Variants in MROH1 observed in about 807,000 individuals in gnomAD.
MROH1 encodes the protein maestro heat like repeat family member 1.
Under a neutral mutation model 116.5 loss-of-function variants are expected in MROH1, and 117 were observed. The ratio of observed to expected loss-of-function variants is 1.00; its 90% CI spans 0.86 to 1.17. MROH1 has a LOEUF of 1.17. Ranked by LOEUF, MROH1 falls within the 50% of genes most tolerant of loss-of-function variation. MROH1 has a pLI of 0.00. For missense variants in MROH1, 1,873 were observed against 1,338.5 expected, an observed-to-expected ratio of 1.40 and a Z score of -6.23; for synonymous variants, 921 against 583.9, an observed-to-expected ratio of 1.58 and a Z score of -8.32.
chr8:144,174,535 G>C (rs1047196235), intron 4 of MROH1, among the ~76,000 whole-genome samples: 2 of 150,046 alleles, frequency 1.3e-5, no homozygotes, highest in Non-Finnish European at 3.0e-5. Flanking sequence ...CTAGGCTGGA[G>C]TGCAGCGGTG....
chr8:144,162,814 C>T (rs999675087), intron 2 of MROH1, among the ~76,000 whole-genome samples: 1 of 47,314 alleles, frequency 2.1e-5, no homozygotes, highest in African/African-American at 3.5e-5. Flanking sequence ...CCTCCGCTTC[C>T]CAGGTTCAAG....
At chr8:144,229,343 C>T (rs1838393911) in intron 14 of MROH1, among the ~76,000 whole-genome samples, 2 of 151,332 alleles carry the variant, frequency 1.3e-5, no homozygotes, top group South Asian at 4.2e-4. Flanking sequence ...TGAGAGAAAT[C>T]ACTGTCTATG....
chr8:144,168,395 G>A lies in MROH1; in HGVS notation c.123G>A (p.Val41=), dbSNP rs1365553531. 30 of 1,611,542 alleles carry A rather than the reference G, an allele frequency of 1.9e-5. No homozygotes were observed. The highest frequency in any genetic ancestry group is 2.5e-5 in the Non-Finnish European group (29 of 1,179,576). ...ALCSLGEARP[V]ETLRACEEYL... ...GCTCCCTCGGGGAGGCGCGGCCGGT[G>A]GAGACGCTCCGTGCCTGCGAGGAGT... Residue 41 remains valine, a synonymous_variant, in exon 4 of 44, where the codon GTG becomes GTA. Coordinates refer to ENST00000326134, the MANE Select transcript of MROH1 (RefSeq NM_032450.3).
intron 29 of MROH1, among the ~76,000 whole-genome samples, chr8:144,246,135 GTC>G (rs1841889872): frequency 7.0e-6 from 1 of 142,426 alleles, no homozygotes; most frequent in African/African-American, 2.6e-5. Flanking sequence ...CTGAGACCGA[GTC>G]TCTCGCTCTC....
chr8:144,202,316 C>T (rs547168485), intron 12 of MROH1, among the ~76,000 whole-genome samples: 77 of 146,730 alleles, frequency 5.2e-4, no homozygotes, highest in African/African-American at 1.6e-3. Flanking sequence ...GGCAGCGACC[C>T]GCTCTGTGTG....
chr8:144,248,423 G>C (rs2133103982), intron 31 of MROH1, among the ~76,000 whole-genome samples: 1 of 152,208 alleles, frequency 6.6e-6, no homozygotes, highest in East Asian at 1.9e-4. Context: ...TGGCCTTCCA[G>C]GTCCAGAGAC....
chr8:144,191,571 G>A, intron 8 of MROH1, 144 bp from the exon 9 acceptor site: 3 of 1,120,354 alleles, frequency 2.7e-6, no homozygotes, highest in Non-Finnish European at 3.8e-6. Flanking sequence ...TGACCTCTGG[G>A]TGCTAGGCTC....
chr8:144,221,079 T>A (rs2132383630), intron 13 of MROH1, among the ~76,000 whole-genome samples: 1 of 152,090 alleles, frequency 6.6e-6, no homozygotes, highest in South Asian at 2.1e-4. Flanking sequence ...CCAGCCATCC[T>A]CCCCTGGGGT....
At chr8:144,259,744 C>T (rs7826381) in intron 37 of MROH1, among the ~76,000 whole-genome samples, 167 bp from the exon 38 acceptor site, 58,447 of 152,200 alleles carry the variant, frequency 0.38, 13,327 homozygotes, top group East Asian at 0.65. Flanking sequence ...CAGGCCCCAG[C>T]GGCACAACAG....
At chr8:144,176,828 A>C (rs1410804673) in intron 4 of MROH1, among the ~76,000 whole-genome samples, 7 of 6,614 alleles carry the variant, frequency 1.1e-3, no homozygotes, top group Non-Finnish European at 7.0e-3. Flanking sequence ...ACTCTGTCTC[A>C]AAAAAAAAAA....
At chr8:144,197,354 A>G (rs1448525845) in intron 10 of MROH1, among the ~76,000 whole-genome samples, 1 of 146,372 alleles carries the variant, frequency 6.8e-6, no homozygotes, top group Non-Finnish European at 1.5e-5. Flanking sequence ...GTGTCCCCAC[A>G]ACATGGTGGC....
intron 20 of MROH1, 107 bp downstream of exon 20, chr8:144,240,784 T>G (rs1188993190): frequency 5.8e-6 from 4 of 690,070 alleles, no homozygotes; most frequent in African/African-American, 5.3e-5. Flanking sequence ...CCTGGTGGCC[T>G]GGCAGAGCCT....
intron 12 of MROH1, among the ~76,000 whole-genome samples, chr8:144,206,096 C>T (rs1490460358): frequency 6.6e-6 from 1 of 152,220 alleles, no homozygotes; most frequent in Non-Finnish European, 1.5e-5. Flanking sequence ...GTCGCCCAGG[C>T]TGGAGTGCGG....
At position 144,242,430 on chromosome 8, in the gene MROH1, T is replaced by C; in HGVS notation, c.2240T>C (p.Val747Ala). The C allele has an allele frequency of 1.3e-6, 1 of 780,706 alleles. No individual in the cohort carries two copies. Among genetic ancestry groups the C allele is most frequent in the Non-Finnish European group, 2.4e-6 (1 of 417,820 alleles). The allele number at this position is 780,706 out of a possible 1,614,324, so 48.4% of individuals were successfully genotyped here. The stretch of plus-strand genomic sequence containing the variant: ...GCTCTGATCCTGTGCTATGGGCACG[T>C]GGCGGCCCGGGCCCCCCGGGAGCTG... Reference protein sequence around the residue: ...KSALILCYGHVAARAPRELVL... With the variant: ...KSALILCYGHAAARAPRELVL... The change falls in exon 23 of 44, where the codon GTG (valine) becomes GCG (alanine). Residue 747 changes from valine (V) to alanine (A), a missense_variant. Physicochemically the swap from Val to Ala is moderately conservative, Grantham distance 64. Coordinates refer to ENST00000326134, the MANE Select transcript of MROH1 (RefSeq NM_032450.3).
Position 144,261,119 on chromosome 8 carries a change from C to G in MROH1, c.4677C>G (p.His1559Gln). Residue 1559 changes from histidine (H) to glutamine (Q), a missense_variant, in exon 42 of 44, where the codon CAC becomes CAG. By Grantham distance (24) the His-to-Gln change is conservative (BLOSUM62 0). Transcript: ENST00000326134. The stretch of plus-strand genomic sequence containing the variant: ...CTGACCAGGCCTCTCCCCAGATGCA[C>G]CATTTCCCAGACCTGCTGGGCCGTC... ...FLNTTCKHLM[H>Q]HFPDLLGRLL... is the part of the protein sequence containing the mutation. 2 of 775,144 alleles carry G rather than the reference C, an allele frequency of 2.6e-6. No homozygotes were observed. Among genetic ancestry groups the G allele is most frequent in the African/African-American group, 1.7e-5 (1 of 59,190 alleles). 48.0% of individuals were successfully genotyped at this position (775,144 alleles called of 1,614,324 possible). A position where few individuals can be genotyped will look rare whatever the true frequency, so the allele number is the denominator to read the frequency against.
In MROH1 at chr8:144,219,927, C is replaced by A. The variant is rs140726978; in HGVS notation, c.1142-673C>A. 4.6e-3 allele frequency among the ~76,000 whole-genome samples: 704 copies of A among 152,290 alleles called. 2 individuals carry two copies. The highest frequency in any genetic ancestry group is 0.016 in the African/African-American group (677 of 41,562). On this transcript the variant is annotated intron_variant, in intron 12 of 43. Coordinates refer to ENST00000326134, the MANE Select transcript of MROH1 (RefSeq NM_032450.3). ...ATTTGCTGCTCCGCAGTCCCTGGGG[C>A]CTCCAGTTCCTCATCTGTGACATTG...
At chr8:144,246,831 C>T (rs970134548) in intron 29 of MROH1, among the ~76,000 whole-genome samples, 2 of 152,190 alleles carry the variant, frequency 1.3e-5, no homozygotes, top group East Asian at 1.9e-4. Flanking sequence ...CCTATAGGAG[C>T]ATGGGAGGAG....
rs1823968923 is a variant in MROH1 at position 144,176,525 on chromosome 8, A to G, written c.169-2930A>G. Among the ~76,000 whole-genome samples the G allele has an allele frequency of 4.8e-5, 6 of 124,012 alleles. No individual in the cohort carries two copies. The South Asian group carries it at 1.7e-3, about 36-fold the overall frequency. The allele number at this position is 124,012 out of a possible 152,430, so 81.4% of individuals were successfully genotyped here. On this transcript the variant is annotated intron_variant, in intron 4 of 43. Transcript: ENST00000326134. ...ACTCTAGCCTGGGTGATGGAGTGAGACCCTGACTCAGAAAAAAAAAAAAAA... is the reference window on the plus strand; with the variant it reads ...ACTCTAGCCTGGGTGATGGAGTGAGGCCCTGACTCAGAAAAAAAAAAAAAA...
At chr8:144,250,166 C>T in intron 32 of MROH1, 46 bp from the exon 33 acceptor site, 2 of 750,292 alleles carry the variant, frequency 2.7e-6, no homozygotes, top group Non-Finnish European at 4.9e-6. Flanking sequence ...GTGCCCACAG[C>T]TGTCCCCCAC....
Sources: allele counts gnomAD v4.1 joint callset (sites outside exome capture counted in the v4.1 genomes callset), GRCh38; gene constraint gnomAD v4.1.1; transcripts MANE v1.5; gene names NCBI Gene and HGNC (gene_info 2026-07-23, HGNC 2026-07-21).